The following CRYBG3 variants were observed in gnomAD, a reference collection of about 807,000 sequenced individuals.
The protein encoded by CRYBG3 is crystallin beta-gamma domain containing 3.
Under a neutral mutation model 244.2 loss-of-function variants are expected in CRYBG3, and 127 were observed. The observed-to-expected ratio is 0.52, with a 90% confidence interval of 0.45 to 0.60. The LOEUF (loss-of-function observed/expected upper bound fraction) is 0.60, where lower values mean the gene tolerates loss of function less well. Ranked by LOEUF, CRYBG3 falls within the 20% of genes least tolerant of loss-of-function variation. The pLI is 0.00. For synonymous variants in CRYBG3, 1,132 were observed against 1,195.8 expected, an observed-to-expected ratio of 0.95 and a Z score of 1.10; for missense variants, 3,325 against 3,442.5, an observed-to-expected ratio of 0.97 and a Z score of 0.85.
At chr3:97,943,012 T>C (rs1432398220) in intron 21 of CRYBG3, 14 of 528,704 alleles carry the variant, frequency 2.6e-5, no homozygotes, top group Admixed American at 7.4e-5. Context: ...TCATGTATTA[T>C]ACCTTTTAGT....
intron 2 of CRYBG3, among the ~76,000 whole-genome samples, chr3:97,845,886 A>T (rs1410099359): frequency 6.6e-6 from 1 of 152,098 alleles, no homozygotes; most frequent in Non-Finnish European, 1.5e-5. Flanking sequence ...CTGTTATTCT[A>T]CATTACTCCT....
At chr3:97,855,463 T>C (rs2039049987) in intron 2 of CRYBG3, among the ~76,000 whole-genome samples, 1 of 150,412 alleles carries the variant, frequency 6.6e-6, no homozygotes. Context: ...GGCTGTGTAG[T>C]CTTGGGCTTT....
intron 15 of CRYBG3, among the ~76,000 whole-genome samples, chr3:97,909,021 GGA>G (rs1295930130): frequency 6.6e-6 from 1 of 151,928 alleles, no homozygotes; most frequent in African/African-American, 2.4e-5. Flanking sequence ...TAGTTTGGCT[GGA>G]TATGAAATTC....
Position 97,888,352 on chromosome 3 carries a change from ACC to A in CRYBG3, c.7303_7304del (p.Pro2435ArgfsTer3). 1 of 1,604,230 alleles carries A rather than the reference ACC, an allele frequency of 6.2e-7. No homozygotes were observed. The highest frequency in any genetic ancestry group is 8.5e-7 in the Non-Finnish European group (1 of 1,172,094). On this transcript the variant is annotated frameshift_variant, in exon 9 of 22. Coordinates refer to ENST00000389622, the MANE Select transcript of CRYBG3 (RefSeq NM_153605.4). LOFTEE classifies it high-confidence loss of function. ...CTATTTTTATATAGTTGGCTTGCCT[ACC>A]CAGATATTAATTTTAAGGGACAAGC... is the stretch of plus-strand genomic sequence containing the variant.
In CRYBG3 at chr3:97,856,135, A is replaced by G. The variant is rs371797502; in HGVS notation, c.217-8082A>G. ...TATAGGCCTATACCCCCAGGCACGT[A>G]TTCTCTTTACCAGGGATGTTCCTTG... On this transcript the variant is annotated intron_variant, in intron 2 of 21. Transcript: ENST00000389622. 6.0e-4 allele frequency among the ~76,000 whole-genome samples: 91 copies of G among 152,214 alleles called. 1 individual carries two copies. The South Asian group carries it at 0.018, about 31-fold the overall frequency.
At chr3:97,925,977 A>G (rs1055567625) in intron 17 of CRYBG3, among the ~76,000 whole-genome samples, 1 of 152,044 alleles carries the variant, frequency 6.6e-6, no homozygotes, top group Non-Finnish European at 1.5e-5. Flanking sequence ...TTTGGTTTGA[A>G]TGTCTTAGAG....
At chr3:97,890,694 G>A (rs1409856031) in intron 10 of CRYBG3, among the ~76,000 whole-genome samples, 4 of 152,078 alleles carry the variant, frequency 2.6e-5, no homozygotes, top group African/African-American at 9.7e-5. Flanking sequence ...GTTTTTAGTC[G>A]TAAGGAAGCT....
At chr3:97,823,350 TA>T (rs1022003566) in intron 1 of CRYBG3, among the ~76,000 whole-genome samples, 4 of 152,104 alleles carry the variant, frequency 2.6e-5, no homozygotes, top group African/African-American at 9.6e-5. Context: ...CTGGTGGGCT[TA>T]AAAAAAATGG....
At position 97,923,587 on chromosome 3, in the gene CRYBG3, AAAAAT is replaced by A. The variant is rs565843200; in HGVS notation, c.8241+7859_8241+7863del. 7.9e-4 allele frequency among the ~76,000 whole-genome samples: 120 copies of A among 152,104 alleles called. 1 individual carries two copies. The East Asian group carries it at 0.018, about 23-fold the overall frequency. Reference sequence around the variant, plus strand: ...GTTCTATCTAATAAAAAAAAATCTAAAAAATAAAATAAGATTAAAACAAAAAAGGA... The same window carrying A: ...GTTCTATCTAATAAAAAAAAATCTAAAAAATAAGATTAAAACAAAAAAGGA... On this transcript the variant is annotated intron_variant, in intron 17 of 21. Transcript: ENST00000389622.
chr3:97,879,294 T>A (rs1425644950), intron 4 of CRYBG3, among the ~76,000 whole-genome samples: 1 of 152,144 alleles, frequency 6.6e-6, no homozygotes, highest in Non-Finnish European at 1.5e-5. Context: ...ACCTGCCACA[T>A]TTTCCACTCA....
Position 97,875,097 on chromosome 3 carries a change from A to G in CRYBG3, c.3903A>G (p.Leu1301=). 8 of 1,533,814 alleles carry G rather than the reference A, an allele frequency of 5.2e-6. No individual in the cohort carries two copies. Among genetic ancestry groups the G allele is most frequent in the Non-Finnish European group, 6.1e-6 (7 of 1,145,926 alleles). The change falls in exon 4 of 22, where the codon TTA becomes TTG. Residue 1301 remains leucine (L), a synonymous_variant. Transcript: ENST00000389622. ...DPNSMNVSCL[L]EDKARELVNE... Reference sequence around the variant, plus strand: ...ATAGTATGAATGTATCTTGTTTGTTAGAAGATAAAGCTAGGGAATTAGTCA... The same window carrying G: ...ATAGTATGAATGTATCTTGTTTGTTGGAAGATAAAGCTAGGGAATTAGTCA...
At chr3:97,912,138 A>G (rs377645617) in intron 15 of CRYBG3, 29 bp from the exon 16 acceptor site, 5 of 1,238,818 alleles carry the variant, frequency 4.0e-6, no homozygotes, top group South Asian at 2.8e-5. Context: ...TTTTTTTTCT[A>G]TTTAACTGTT....
intron 17 of CRYBG3, among the ~76,000 whole-genome samples, chr3:97,920,584 C>T (rs920155803): frequency 2.6e-5 from 4 of 152,088 alleles, no homozygotes; most frequent in South Asian, 2.1e-4. Flanking sequence ...GGCTGGGGTG[C>T]AGTGGCACCA....
chr3:97,871,382 CTGTTCAAA>C (rs2039300204), intron 3 of CRYBG3, among the ~76,000 whole-genome samples: 4 of 152,160 alleles, frequency 2.6e-5, no homozygotes, highest in African/African-American at 9.7e-5. Flanking sequence ...CTAAACATTG[CTGTTCAAA>C]TTCACATGTA....
In CRYBG3 at chr3:97,873,668, T is replaced by C. The variant is rs993550293; in HGVS notation, c.2474T>C (p.Leu825Pro). 21 of 1,535,592 alleles carry C rather than the reference T, an allele frequency of 1.4e-5. No individual in the cohort carries two copies. The African/African-American group carries it at 2.6e-4, about 19-fold the overall frequency. The change falls in exon 4 of 22, where the codon CTT (leucine) becomes CCT (proline). Residue 825 changes from leucine to proline, a missense_variant. Physicochemically the swap from Leu to Pro is moderately conservative, Grantham distance 98. This residue lies in a region of CRYBG3 where 1,526 missense variants were observed against 1,443.2 expected (regional missense o/e 1.06). Transcript: ENST00000389622. Reference sequence around the variant, plus strand: ...GAAATTGATGGTCAGAACAATGTTCTTGTGGAGTCACATTCTGGAAGAGGA... The same window carrying C: ...GAAATTGATGGTCAGAACAATGTTCCTGTGGAGTCACATTCTGGAAGAGGA... ...KAEIDGQNNV[L>P]VESHSGRGKT... is the part of the protein sequence containing the mutation.
intron 17 of CRYBG3, among the ~76,000 whole-genome samples, chr3:97,923,862 A>G (rs2040011309): frequency 6.6e-6 from 1 of 152,122 alleles, no homozygotes; most frequent in African/African-American, 2.4e-5. Flanking sequence ...TTGTAAAGAT[A>G]TGGTCTTCCC....
rs2039512481 is a variant in CRYBG3 at position 97,886,740 on chromosome 3, C to T, written c.7262C>T (p.Ser2421Phe). 1 of 1,609,780 alleles carries T rather than the reference C, an allele frequency of 6.2e-7. No homozygotes were observed. Among genetic ancestry groups the T allele is most frequent in the African/African-American group, 1.3e-5 (1 of 74,636 alleles). The change falls in exon 8 of 22, where the codon TCT becomes TTT. Residue 2421 changes from serine to phenylalanine, a missense_variant. Physicochemically the swap from Ser to Phe is radical, Grantham distance 155. Coordinates refer to ENST00000389622, the MANE Select transcript of CRYBG3 (RefSeq NM_153605.4). ...TTGGAAGAACTGAATATCTCCAAAT[C>T]TGTGTCCTTCACTGTGAAGTCAGGA... ...PNLEELNISKSVSFTVKSGVW... is the reference protein window; with the variant it reads ...PNLEELNISKFVSFTVKSGVW...
At chr3:97,903,002 A>G (rs2039722736) in intron 15 of CRYBG3, among the ~76,000 whole-genome samples, 1 of 152,164 alleles carries the variant, frequency 6.6e-6, no homozygotes, top group Non-Finnish European at 1.5e-5. Flanking sequence ...CATTCTCTAG[A>G]AATTCTAACC....
At chr3:97,908,200 G>T (rs2039801402) in intron 15 of CRYBG3, among the ~76,000 whole-genome samples, 1 of 152,190 alleles carries the variant, frequency 6.6e-6, no homozygotes, top group African/African-American at 2.4e-5. Flanking sequence ...GTGTGTTGTG[G>T]TGCTGAAAAA....
Sources: gnomAD v4.1 joint callset for allele counts (sites outside exome capture counted in the v4.1 genomes callset) on GRCh38, gnomAD v4.1.1 for gene constraint, gnomAD v4.1.1 regional missense constraint, MANE v1.5 for transcripts, NCBI Gene and HGNC (gene_info 2026-07-23, HGNC 2026-07-21) for gene names.